MCF2L2: variants seen among roughly 807,000 people sequenced by gnomAD.
MCF2L2 encodes the protein probable guanine nucleotide exchange factor MCF2L2.
Under a neutral mutation model 150.2 loss-of-function variants are expected in MCF2L2, and 102 were observed. That is an observed-to-expected ratio of 0.68 (90% CI 0.58 to 0.80). The LOEUF (loss-of-function observed/expected upper bound fraction) is 0.80. MCF2L2 is among the 30% of genes least tolerant of loss of function. The probability of loss-of-function intolerance (pLI) is 0.00; values close to 1 mark genes in which losing one functional copy is unlikely to be tolerated. For missense variants in MCF2L2, 1,256 were observed against 1,372.8 expected, an observed-to-expected ratio of 0.91 and a Z score of 1.34; for synonymous variants, 465 against 491.3, an observed-to-expected ratio of 0.95 and a Z score of 0.71.
intron 21 of MCF2L2, among the ~76,000 whole-genome samples, chr3:183,217,458 T>C (rs935564956): frequency 2.0e-5 from 3 of 151,766 alleles, no homozygotes; most frequent in African/African-American, 7.3e-5. Context: ...GGCAACAAAG[T>C]GAGACCTTGT....
chr3:183,301,436 G>A (rs1024300030), intron 10 of MCF2L2, among the ~76,000 whole-genome samples: 2 of 152,134 alleles, frequency 1.3e-5, no homozygotes, highest in African/African-American at 2.4e-5. Context: ...ATTTTAAATC[G>A]GATGGTGAGA....
chr3:183,309,664 C>T, intron 10 of MCF2L2, 52 bp downstream of exon 10: 1 of 1,610,928 alleles, frequency 6.2e-7, no homozygotes, highest in Admixed American at 1.7e-5. Context: ...CATGATCCAT[C>T]ATTGTCCACA....
At chr3:183,276,838 C>T (rs1441165029) in intron 15 of MCF2L2, 34 bp downstream of exon 15, 1 of 1,530,856 alleles carries the variant, frequency 6.5e-7, no homozygotes, top group African/African-American at 1.4e-5. Flanking sequence ...CCCGCACCCC[C>T]TCGCCCCCTG....
intron 15 of MCF2L2, chr3:183,271,738 C>T (rs1233797301): frequency 1.8e-5 from 3 of 166,692 alleles, no homozygotes; most frequent in Non-Finnish European, 2.9e-5. Flanking sequence ...ATTTTAATGA[C>T]GTTTTCAACT....
rs542690094 is a variant in MCF2L2 at position 183,382,207 on chromosome 3, T to C, written c.161-2796A>G. ...CCGAGTAGCTGGGATTACAGGCACA[T>C]GCCACCACGCCCAGCTAATTTTTGT... On this transcript the variant is annotated intron_variant, in intron 2 of 29. Transcript: ENST00000328913. Among the ~76,000 whole-genome samples, 774 of 152,100 alleles carry C rather than the reference T, an allele frequency of 5.1e-3. 4 individuals are homozygous for C. The highest frequency in any genetic ancestry group is 0.018 in the African/African-American group (751 of 41,486).
In MCF2L2 at chr3:183,428,193, C is replaced by A; in HGVS notation, c.-216G>T. On this transcript the variant is annotated 5_prime_UTR_variant, in exon 1 of 30. Coordinates refer to ENST00000328913, the MANE Select transcript of MCF2L2 (RefSeq NM_015078.4). The surrounding 1 kb of genome is among the most constrained non-coding windows in gnomAD (Gnocchi z 5.1). ...CGTGACAGACCAAGTCTGGCGCTTT[C>A]CCAGCGTCGCAGCTGGACCGAGAGA... 1.9e-6 allele frequency: 1 copy of A among 531,666 alleles called. No homozygotes were observed. The highest frequency in any genetic ancestry group is 3.3e-6 in the Non-Finnish European group (1 of 303,892). 32.9% of individuals were successfully genotyped at this position (531,666 alleles called of 1,614,324 possible).
intron 22 of MCF2L2, among the ~76,000 whole-genome samples, chr3:183,215,735 A>C (rs1234222721): frequency 1.3e-5 from 2 of 152,218 alleles, no homozygotes; most frequent in African/African-American, 4.8e-5. Flanking sequence ...TTGTCCAGAC[A>C]GTGGGTCAGT....
chr3:183,325,840 C>T (rs750340664), intron 5 of MCF2L2, among the ~76,000 whole-genome samples: 13 of 151,776 alleles, frequency 8.6e-5, no homozygotes, highest in Admixed American at 3.9e-4. Flanking sequence ...AAGTTGAAAG[C>T]GAAAAGTGAA....
intron 6 of MCF2L2, among the ~76,000 whole-genome samples, chr3:183,322,824 T>G (rs1423430423): frequency 6.6e-6 from 1 of 152,062 alleles, no homozygotes; most frequent in Non-Finnish European, 1.5e-5. Flanking sequence ...GTGACACTAT[T>G]TAAATGTAGC....
chr3:183,402,614 A>C (rs944494208), intron 1 of MCF2L2, among the ~76,000 whole-genome samples: 34 of 151,888 alleles, frequency 2.2e-4, no homozygotes, highest in Non-Finnish European at 4.0e-4. Flanking sequence ...AAGCCTGGGC[A>C]ACATAAGGAG....
chr3:183,295,038 C>T (rs1728414964), intron 13 of MCF2L2, among the ~76,000 whole-genome samples: 1 of 152,232 alleles, frequency 6.6e-6, no homozygotes, highest in African/African-American at 2.4e-5. Context: ...GCTGGGATTA[C>T]AGGCGTGAGC....
intron 15 of MCF2L2, among the ~76,000 whole-genome samples, chr3:183,240,671 A>C (rs1164511857): frequency 6.6e-6 from 1 of 152,216 alleles, no homozygotes; most frequent in Admixed American, 6.5e-5. Context: ...TTTACACATC[A>C]GAATGGGGAG....
At chr3:183,193,202 A>T (rs1721960641) in intron 26 of MCF2L2, 106 bp from the exon 27 acceptor site, 1 of 886,322 alleles carries the variant, frequency 1.1e-6, no homozygotes, top group Non-Finnish European at 1.8e-6. Flanking sequence ...TCTCTGGTCT[A>T]GGTCTCGAGG....
intron 1 of MCF2L2, among the ~76,000 whole-genome samples, chr3:183,418,665 T>C (rs1306419899): frequency 6.6e-6 from 1 of 152,184 alleles, no homozygotes; most frequent in Non-Finnish European, 1.5e-5. Flanking sequence ...TGAAATCCAA[T>C]AGGACAGTCA....
intron 2 of MCF2L2, among the ~76,000 whole-genome samples, chr3:183,385,464 G>A (rs1387891125): frequency 1.3e-5 from 2 of 152,160 alleles, no homozygotes; most frequent in African/African-American, 4.8e-5. Context: ...TCATTGGTGT[G>A]TATGAGGTGA....
intron 8 of MCF2L2, among the ~76,000 whole-genome samples, chr3:183,311,401 C>T (rs3821521): frequency 0.19 from 29,119 of 152,122 alleles, 3,192 homozygotes; most frequent in East Asian, 0.36. Flanking sequence ...CTACCCTCTC[C>T]CTCAAAATCC....
intron 1 of MCF2L2, among the ~76,000 whole-genome samples, chr3:183,400,769 G>C (rs1472046107): frequency 6.6e-6 from 1 of 150,664 alleles, no homozygotes; most frequent in Non-Finnish European, 1.5e-5. Context: ...TTTTTTTTTA[G>C]AAGTATCACA....
At chr3:183,287,041 A>C (rs570568911) in intron 14 of MCF2L2, among the ~76,000 whole-genome samples, 1 of 152,300 alleles carries the variant, frequency 6.6e-6, no homozygotes, top group South Asian at 2.1e-4. Context: ...CAACATGGCA[A>C]AAGAAGGAAG....
chr3:183,224,666 G>C (rs1316280019), intron 18 of MCF2L2: 1 of 153,054 alleles, frequency 6.5e-6, no homozygotes, highest in South Asian at 2.0e-4. Flanking sequence ...ACAACCAAAA[G>C]ATGGAAACAT....
Sources: gnomAD v4.1 joint callset for allele counts (sites outside exome capture counted in the v4.1 genomes callset) on GRCh38, gnomAD v4.1.1 for gene constraint, Gnocchi (gnomAD v3.1) non-coding constraint, MANE v1.5 for transcripts, NCBI Gene and HGNC (gene_info 2026-07-23, HGNC 2026-07-21) for gene names.